Variants in SLC3A1 observed in about 807,000 individuals in gnomAD.
The protein encoded by SLC3A1 is amino acid transporter heavy chain SLC3A1.
A neutral mutation model predicts 60.3 loss-of-function variants in SLC3A1; 78 were observed. The ratio of observed to expected loss-of-function variants is 1.29; its 90% CI spans 1.08 to 1.56. SLC3A1 has a LOEUF of 1.56. Among genes scored for constraint, SLC3A1 ranks in the 40% most tolerant of loss-of-function variants. The probability of loss-of-function intolerance (pLI) is 0.00; values close to 1 mark genes in which losing one functional copy is unlikely to be tolerated. For synonymous variants in SLC3A1, 392 were observed against 307.9 expected (o/e 1.27, Z -2.86); for missense variants, 1,172 against 858.9 (o/e 1.36, Z -4.56).
chr2:44,319,395 G>A (rs1428035647), intron 9 of SLC3A1: 1 of 152,526 alleles, frequency 6.6e-6, no homozygotes, highest in African/African-American at 2.4e-5. Context: ...AATGGGGGGA[G>A]GGGAATAAAA....
chr2:44,301,705 C>G (rs768339236), intron 6 of SLC3A1, among the ~76,000 whole-genome samples: 2 of 147,860 alleles, frequency 1.4e-5, no homozygotes, highest in African/African-American at 2.5e-5. Context: ...CACCACTGCA[C>G]TCCAGCCTGG....
chr2:44,316,676 A>C (rs892013933), intron 9 of SLC3A1, among the ~76,000 whole-genome samples: 1 of 152,212 alleles, frequency 6.6e-6, no homozygotes, highest in African/African-American at 2.4e-5. Flanking sequence ...CTGAAAATAG[A>C]TTGCCTGAGA....
At chr2:44,290,213 A>T (rs1671711370) in intron 4 of SLC3A1, among the ~76,000 whole-genome samples, 1 of 150,732 alleles carries the variant, frequency 6.6e-6, no homozygotes, top group Non-Finnish European at 1.5e-5. Context: ...ATTGTCTGGC[A>T]ACTTTTGTTG....
intron 1 of SLC3A1, among the ~76,000 whole-genome samples, chr2:44,276,641 G>T (rs570052700): frequency 6.6e-6 from 1 of 152,024 alleles, no homozygotes; most frequent in East Asian, 1.9e-4. Flanking sequence ...TGGGAGGATC[G>T]CTTGAGCCCA....
chr2:44,282,511 A>G (rs1671523578), intron 3 of SLC3A1, among the ~76,000 whole-genome samples: 1 of 152,152 alleles, frequency 6.6e-6, no homozygotes, highest in South Asian at 2.1e-4. Flanking sequence ...TTTACAACAG[A>G]AGCCAGATCC....
chr2:44,318,172 C>A (rs1672594441), intron 9 of SLC3A1: 1 of 432,376 alleles, frequency 2.3e-6, no homozygotes, highest in Non-Finnish European at 4.6e-6. Flanking sequence ...CACACTGCAG[C>A]CTCTGCTTCC....
intron 4 of SLC3A1, among the ~76,000 whole-genome samples, chr2:44,291,391 C>T (rs1366268977): frequency 6.6e-6 from 1 of 151,986 alleles, no homozygotes; most frequent in East Asian, 1.9e-4. Flanking sequence ...TTTGACTAAC[C>T]CAGCTGTGCT....
intron 6 of SLC3A1, 116 bp downstream of exon 6, chr2:44,301,243 C>G: frequency 1.5e-6 from 2 of 1,321,698 alleles, no homozygotes; most frequent in Non-Finnish European, 2.1e-6. Flanking sequence ...GCCTGCATAA[C>G]TCTAATTGAT....
At chr2:44,315,030 C>A (rs748044838) in intron 9 of SLC3A1, 1 of 133,370 alleles carries the variant, frequency 7.5e-6, no homozygotes, top group Non-Finnish European at 1.5e-5. Flanking sequence ...CTCCTGGGTT[C>A]AAGCGATTCT....
intron 5 of SLC3A1, 64 bp from the exon 6 acceptor site, chr2:44,300,939 T>A (rs189459803): frequency 6.2e-7 from 1 of 1,605,848 alleles, no homozygotes; most frequent in South Asian, 1.1e-5. Context: ...TACATTCATA[T>A]AGAGCGAGCT....
chr2:44,300,989 C>T lies in SLC3A1; in HGVS notation c.1012-14C>T. On this transcript the variant is annotated splice_polypyrimidine_tract_variant and intron_variant, in intron 5 of 9. Coordinates refer to ENST00000260649, the MANE Select transcript of SLC3A1 (RefSeq NM_000341.4). ...TATGAAATGAGGGTAACCATGTCGT[C>T]CTGGTTTTCAAAGGACACGGTCACA... 6.2e-7 allele frequency: 1 copy of T among 1,613,760 alleles called. No individual in the cohort carries two copies. Among genetic ancestry groups the T allele is most frequent in the Non-Finnish European group, 8.5e-7 (1 of 1,180,016 alleles).
At chr2:44,286,904 C>T (rs1572794527) in intron 4 of SLC3A1, among the ~76,000 whole-genome samples, 4 of 152,190 alleles carry the variant, frequency 2.6e-5, no homozygotes, top group Non-Finnish European at 5.9e-5. Context: ...GGGTCTGGCT[C>T]CTGCATCTAA....
At chr2:44,301,161 G>C in intron 6 of SLC3A1, 34 bp downstream of exon 6, 1 of 1,613,982 alleles carries the variant, frequency 6.2e-7, no homozygotes, top group East Asian at 2.2e-5. Flanking sequence ...TTTCTTCCCA[G>C]GCTTAGTGTG....
intron 9 of SLC3A1, among the ~76,000 whole-genome samples, chr2:44,315,790 GA>G (rs1249445678): frequency 2.7e-5 from 4 of 150,580 alleles, no homozygotes; most frequent in African/African-American, 4.9e-5. Context: ...TTTCCCTAAG[GA>G]AAAAAAAATC....
intron 3 of SLC3A1, among the ~76,000 whole-genome samples, chr2:44,283,779 C>A (rs558721848): frequency 1.3e-5 from 2 of 151,896 alleles, no homozygotes; most frequent in Non-Finnish European, 2.9e-5. Flanking sequence ...ATATATATAA[C>A]CATATATTGC....
At position 44,275,529 on chromosome 2, in the gene SLC3A1, G is replaced by A. The variant is rs770498089; in HGVS notation, c.-7G>A. On this transcript the variant is annotated 5_prime_UTR_variant, in exon 1 of 10. The change creates a new upstream start codon in the 5' untranslated region. Transcript: ENST00000260649. ...GAAGGCACTCCGAAGACATAAGTCG[G>A]TGAGACATGGCTGAAGATAAAAGCA... The A allele has an allele frequency of 3.7e-6, 6 of 1,613,466 alleles. No individual in the cohort carries two copies. In the East Asian group the frequency reaches 1.1e-4, roughly 30 times the overall value.
At chr2:44,276,178 G>C (rs1264901413) in intron 1 of SLC3A1, among the ~76,000 whole-genome samples, 1 of 152,168 alleles carries the variant, frequency 6.6e-6, no homozygotes, top group East Asian at 1.9e-4. Context: ...TTTGCTGAAG[G>C]CCTTTGAGCC....
At chr2:44,298,423 G>T (rs1256061556) in intron 4 of SLC3A1, among the ~76,000 whole-genome samples, 1 of 152,042 alleles carries the variant, frequency 6.6e-6, no homozygotes, top group Non-Finnish European at 1.5e-5. Context: ...CTGCCACCCA[G>T]GCTGGAGTGC....
intron 3 of SLC3A1, among the ~76,000 whole-genome samples, chr2:44,282,162 G>A (rs777194023): frequency 6.6e-6 from 1 of 152,054 alleles, no homozygotes; most frequent in African/African-American, 2.4e-5. Context: ...GTAAGCCACC[G>A]CTCCTGGCCC....
Sources: gnomAD v4.1 joint callset for allele counts (sites outside exome capture counted in the v4.1 genomes callset) on GRCh38, gnomAD v4.1.1 for gene constraint, MANE v1.5 for transcripts, NCBI Gene and HGNC (gene_info 2026-07-23, HGNC 2026-07-21) for gene names.